Variants in RGS6 observed in about 807,000 individuals in gnomAD.
RGS6 encodes regulator of G-protein signaling 6.
Under a neutral mutation model 78.5 loss-of-function variants are expected in RGS6, and 30 were observed. That is an observed-to-expected ratio of 0.38 (90% CI 0.29 to 0.52). RGS6 has a LOEUF of 0.52. Ranked by LOEUF, RGS6 falls within the 20% of genes least tolerant of loss-of-function variation. RGS6 has a pLI of 0.85. For missense variants in RGS6, 495 were observed against 609.7 expected (o/e 0.81, Z 1.98); for synonymous variants, 206 against 206.0 (o/e 1.00, Z 0.00).
chr14:72,324,586 ATGAG>A (rs201141688), intron 2 of RGS6, among the ~76,000 whole-genome samples: 22,605 of 151,888 alleles, frequency 0.15, 1,585 homozygotes, highest in African/African-American at 0.17. Flanking sequence ...ATTCCCACCT[ATGAG>A]TGAGAACATG....
chr14:72,271,651 G>C (rs1339237734), intron 2 of RGS6, among the ~76,000 whole-genome samples: 2 of 152,192 alleles, frequency 1.3e-5, no homozygotes, highest in African/African-American at 4.8e-5. Context: ...CTCTGTATTA[G>C]TTTTCTACAG....
At chr14:72,250,608 CA>C (rs35111714) in intron 2 of RGS6, among the ~76,000 whole-genome samples, 60,312 of 151,868 alleles carry the variant, frequency 0.4, 13,275 homozygotes, top group Non-Finnish European at 0.5. Flanking sequence ...CAGTGGGTTT[CA>C]ATCTTGAATA....
At chr14:72,144,118 T>C (rs1290583356) in intron 2 of RGS6, among the ~76,000 whole-genome samples, 1 of 152,228 alleles carries the variant, frequency 6.6e-6, no homozygotes, top group Non-Finnish European at 1.5e-5. Context: ...ATTATGTGTC[T>C]GGAGAGCCAT....
Position 72,312,684 on chromosome 14 carries a change from C to T in RGS6, c.85-39411C>T, listed in dbSNP as rs970933364. 2.6e-5 allele frequency among the ~76,000 whole-genome samples: 4 copies of T among 152,068 alleles called. No homozygotes were observed. The South Asian group carries it at 8.3e-4, about 32-fold the overall frequency. ...TAAGATCCTTAGGTAGCTCATGCGTCGACAGGAGTAATGAATTATACACCT... is the reference window on the plus strand; with the variant it reads ...TAAGATCCTTAGGTAGCTCATGCGTTGACAGGAGTAATGAATTATACACCT... On this transcript the variant is annotated intron_variant, in intron 2 of 17. Transcript: ENST00000553525.
chr14:72,083,104 C>A (rs899133599), intron 2 of RGS6, among the ~76,000 whole-genome samples: 25 of 152,158 alleles, frequency 1.6e-4, no homozygotes, highest in African/African-American at 6.0e-4. Flanking sequence ...GTGAGAAAGT[C>A]TTTTCCAGAA....
chr14:72,213,827 T>A (rs149778614), intron 2 of RGS6, among the ~76,000 whole-genome samples: 141 of 152,350 alleles, frequency 9.3e-4, no homozygotes, highest in African/African-American at 3.3e-3. Flanking sequence ...TTTGGCGTAT[T>A]CTTTAAAAGT....
intron 3 of RGS6, among the ~76,000 whole-genome samples, chr14:72,445,637 A>C (rs748943031): frequency 2.3e-4 from 35 of 152,210 alleles, no homozygotes; most frequent in Non-Finnish European, 4.4e-4. Flanking sequence ...AAACATACTG[A>C]ATATACATGT....
chr14:72,422,867 G>A (rs146657136), intron 3 of RGS6, among the ~76,000 whole-genome samples: 1 of 152,206 alleles, frequency 6.6e-6, no homozygotes, highest in South Asian at 2.1e-4. Context: ...AAGTCAAGGA[G>A]CACCGAGGAT....
At chr14:72,418,720 T>A (rs1051623916) in intron 3 of RGS6, among the ~76,000 whole-genome samples, 1 of 152,158 alleles carries the variant, frequency 6.6e-6, no homozygotes, top group African/African-American at 2.4e-5. Flanking sequence ...TATTCTCACC[T>A]CTCTTCATTC....
rs144334266 is a variant in RGS6, at chr14:72,050,994, T to C, written c.84+86119T>C. Among the ~76,000 whole-genome samples, 299 of 152,292 alleles carry C rather than the reference T, an allele frequency of 2.0e-3. 2 individuals are homozygous for C. Among genetic ancestry groups the C allele is most frequent in the African/African-American group, 7.0e-3 (292 of 41,548 alleles). On this transcript the variant is annotated intron_variant, in intron 2 of 17. Transcript: ENST00000553525. ...TGTGCTTTTCATACTATGTTCTTGT[T>C]TAATTTCTGGGGTTTTTTGTTTGTA...
At chr14:72,137,184 G>A (rs1400023177) in intron 2 of RGS6, among the ~76,000 whole-genome samples, 1 of 152,120 alleles carries the variant, frequency 6.6e-6, no homozygotes, top group African/African-American at 2.4e-5. Context: ...TTTCCTCACT[G>A]GTTTAATGAC....
In RGS6 at chr14:72,536,274, A is replaced by C. The variant is rs2097250188; in HGVS notation, c.1367A>C (p.Lys456Thr). ...CAGGATTTGCTGCTGGCCAAGAAGA[A>C]GGTATCTTTGGGAAGGGCAGGCTTG... ...AYQDLLLAKK[K>T]PESEQGRRTS... Residue 456 changes from lysine to threonine, a missense_variant and splice_region_variant, in exon 16 of 18, where the codon AAG (lysine) becomes ACG (threonine). Transcript: ENST00000553525. The C allele has an allele frequency of 3.1e-6, 5 of 1,613,228 alleles. No individual in the cohort carries two copies. Among genetic ancestry groups the C allele is most frequent in the Non-Finnish European group, 4.2e-6 (5 of 1,179,374 alleles).
intron 16 of RGS6, among the ~76,000 whole-genome samples, chr14:72,536,535 G>A (rs1247158361): frequency 6.6e-6 from 1 of 152,076 alleles, no homozygotes; most frequent in African/African-American, 2.4e-5. Context: ...GTGGGGGTGG[G>A]TACGTAGGGT....
chr14:71,941,377 C>T (rs2090522405), intron 1 of RGS6, among the ~76,000 whole-genome samples: 1 of 152,112 alleles, frequency 6.6e-6, no homozygotes. Context: ...TCCAGAAACC[C>T]CAAAACCAAC....
intron 2 of RGS6, among the ~76,000 whole-genome samples, chr14:72,190,813 A>T (rs752691007): frequency 5.9e-5 from 9 of 152,172 alleles, no homozygotes; most frequent in Non-Finnish European, 1.2e-4. Flanking sequence ...ACATGCAGAA[A>T]TTCCTGATTG....
At chr14:72,015,026 C>A (rs749946742) in intron 2 of RGS6, among the ~76,000 whole-genome samples, 6 of 151,766 alleles carry the variant, frequency 4.0e-5, no homozygotes, top group Non-Finnish European at 5.9e-5. Context: ...CTGTTTTAGT[C>A]CATTTGTGTT....
At chr14:72,433,035 A>G (rs1597438490) in intron 3 of RGS6, among the ~76,000 whole-genome samples, 1 of 152,192 alleles carries the variant, frequency 6.6e-6, no homozygotes, top group Admixed American at 6.5e-5. Flanking sequence ...ATTATTTCCT[A>G]TTCATTTCCT....
chr14:72,560,915 G>A (rs78294871), intron 17 of RGS6, among the ~76,000 whole-genome samples: 2 of 151,602 alleles, frequency 1.3e-5, no homozygotes, highest in East Asian at 1.9e-4. Context: ...GGAGGAAAAA[G>A]GTCAAGGAGA....
At chr14:72,263,861 C>T (rs1020629041) in intron 2 of RGS6, among the ~76,000 whole-genome samples, 2 of 152,216 alleles carry the variant, frequency 1.3e-5, no homozygotes, top group African/African-American at 2.4e-5. Flanking sequence ...TGGACTAATA[C>T]ACCTAATGTC....
Sources: allele counts gnomAD v4.1 joint callset (sites outside exome capture counted in the v4.1 genomes callset), GRCh38; gene constraint gnomAD v4.1.1; transcripts MANE v1.5; gene names NCBI Gene and HGNC (gene_info 2026-07-23, HGNC 2026-07-21).